TLK1: variants seen among roughly 807,000 people sequenced by gnomAD.
The protein encoded by TLK1 is serine/threonine-protein kinase tousled-like 1.
Under a neutral mutation model 105.3 loss-of-function variants are expected in TLK1, and 24 were observed. The observed-to-expected ratio is 0.23, with a 90% CI of 0.17 to 0.32. The LOEUF (loss-of-function observed/expected upper bound fraction) is 0.32, where lower values mean the gene tolerates loss of function less well. Among genes scored for constraint, TLK1 ranks in the 10% least tolerant of loss-of-function variants. The probability of loss-of-function intolerance (pLI) is 1.00; values close to 1 mark genes in which losing one functional copy is unlikely to be tolerated. For missense variants in TLK1, 558 were observed against 910.5 expected (o/e 0.61, Z 4.98); for synonymous variants, 321 against 310.4 (o/e 1.03, Z -0.36).
At chr2:171,089,235 G>C (rs557304213) in intron 2 of TLK1, among the ~76,000 whole-genome samples, 4 of 152,290 alleles carry the variant, frequency 2.6e-5, no homozygotes, top group African/African-American at 9.6e-5. Flanking sequence ...TTCAGGACAT[G>C]AATCTATGGT....
At chr2:171,136,671 T>C (rs905601887) in intron 1 of TLK1, among the ~76,000 whole-genome samples, 14 of 152,346 alleles carry the variant, frequency 9.2e-5, no homozygotes, top group Admixed American at 7.8e-4. Context: ...AATGTTTGCA[T>C]ATGTACAGAG....
At chr2:171,182,935 A>G (rs200000333) in intron 1 of TLK1, among the ~76,000 whole-genome samples, 22 of 128,826 alleles carry the variant, frequency 1.7e-4, no homozygotes, top group Middle Eastern at 3.7e-3. Context: ...AAAAAAAAAA[A>G]AAAGAAAGAA....
At chr2:171,004,377 T>C (rs1409246757) in intron 18 of TLK1, among the ~76,000 whole-genome samples, 1 of 150,598 alleles carries the variant, frequency 6.6e-6, no homozygotes, top group Non-Finnish European at 1.5e-5. Context: ...CACATAAAAG[T>C]GGACCCATGC....
At chr2:171,124,955 T>C (rs1228613967) in intron 1 of TLK1, among the ~76,000 whole-genome samples, 3 of 152,204 alleles carry the variant, frequency 2.0e-5, no homozygotes, top group Non-Finnish European at 4.4e-5. Flanking sequence ...CTCCAAATCA[T>C]TTGCCTTGTT....
chr2:171,175,744 T>C (rs985358383), intron 1 of TLK1, among the ~76,000 whole-genome samples: 5 of 152,160 alleles, frequency 3.3e-5, no homozygotes, highest in African/African-American at 1.2e-4. Flanking sequence ...CCTCTGTCTT[T>C]ATTTGACCTC....
intron 1 of TLK1, among the ~76,000 whole-genome samples, chr2:171,220,923 C>A (rs1186740231): frequency 6.6e-6 from 1 of 152,024 alleles, no homozygotes; most frequent in Non-Finnish European, 1.5e-5. Context: ...GCCAGGCTCA[C>A]GTCTGTAATC....
In TLK1 at chr2:171,120,488, T is replaced by C. The variant is rs144651785; in HGVS notation, c.140-2631A>G. Among the ~76,000 whole-genome samples the C allele has an allele frequency of 5.1e-3, 772 of 152,018 alleles. 6 individuals carry two copies. The highest frequency in any genetic ancestry group is 0.017 in the African/African-American group (718 of 41,464). On this transcript the variant is annotated intron_variant, in intron 1 of 20. Transcript: ENST00000431350. The stretch of plus-strand genomic sequence containing the variant: ...TTAAAAAATGGGCAAAAGACTGGAA[T>C]ACAAATTTTTCCAAAGAAGATATGC...
chr2:171,160,508 CG>C lies in TLK1; in HGVS notation c.-81del. On this transcript the variant is annotated 5_prime_UTR_variant, in exon 1 of 21. Coordinates refer to ENST00000431350, the MANE Select transcript of TLK1 (RefSeq NM_012290.5). This position sits in a 1 kb window ranked among gnomAD's most constrained non-coding sequence, Gnocchi z 4.4. ...GCACCGGCACCCGCCTCCGTCATGGCGGGGGCCGCGCTGAGGGCGAGCGAGA... is the reference window on the plus strand; with the variant it reads ...GCACCGGCACCCGCCTCCGTCATGGCGGGGCCGCGCTGAGGGCGAGCGAGA... The C allele has an allele frequency of 3.4e-6, 5 of 1,452,504 alleles. No homozygotes were observed. The African/African-American group carries it at 4.6e-5, about 13-fold the overall frequency. The allele number at this position is 1,452,504 out of a possible 1,614,324, so 90.0% of individuals were successfully genotyped here.
intron 3 of TLK1, among the ~76,000 whole-genome samples, chr2:171,078,330 G>A (rs1688604968): frequency 6.6e-6 from 1 of 152,166 alleles, no homozygotes; most frequent in African/African-American, 2.4e-5. Flanking sequence ...ATGAGGTCAG[G>A]AGTTTGAGAC....
intron 1 of TLK1, among the ~76,000 whole-genome samples, chr2:171,201,858 C>T (rs1693403332): frequency 6.6e-6 from 1 of 152,160 alleles, no homozygotes. Context: ...CTAGACACCA[C>T]TATGACTATG....
intron 1 of TLK1, among the ~76,000 whole-genome samples, chr2:171,126,398 G>C (rs1324783318): frequency 1.2e-4 from 18 of 152,214 alleles, no homozygotes; most frequent in Admixed American, 9.2e-4. Context: ...GATTACTGTA[G>C]AAGTATGGGC....
At chr2:171,224,673 A>G (rs1402465941) in intron 1 of TLK1, among the ~76,000 whole-genome samples, 1 of 152,162 alleles carries the variant, frequency 6.6e-6, no homozygotes, top group Non-Finnish European at 1.5e-5. Context: ...AATCCCAGCT[A>G]CTTTTTTAAT....
intron 1 of TLK1, among the ~76,000 whole-genome samples, chr2:171,136,514 C>T (rs746907128): frequency 2.6e-5 from 4 of 152,154 alleles, no homozygotes; most frequent in Non-Finnish European, 4.4e-5. Context: ...TGCACCACTG[C>T]ACTCCAGCCT....
At chr2:171,176,186 C>T (rs1000998607) in intron 1 of TLK1, among the ~76,000 whole-genome samples, 2 of 152,026 alleles carry the variant, frequency 1.3e-5, no homozygotes, top group Non-Finnish European at 2.9e-5. Flanking sequence ...GTGATCCGGC[C>T]GCCTCAGCCT....
chr2:171,126,267 A>G (rs1690864049), intron 1 of TLK1, among the ~76,000 whole-genome samples: 1 of 152,120 alleles, frequency 6.6e-6, no homozygotes, highest in South Asian at 2.1e-4. Context: ...GATGAAGAAA[A>G]ATTTTAGGGA....
chr2:171,082,525 C>A (rs1688799589), intron 3 of TLK1, among the ~76,000 whole-genome samples: 1 of 152,174 alleles, frequency 6.6e-6, no homozygotes, highest in Non-Finnish European at 1.5e-5. Flanking sequence ...TAATAACTGT[C>A]TCCAGTAAGA....
chr2:171,087,147 T>C (rs1689015911), intron 2 of TLK1, among the ~76,000 whole-genome samples: 1 of 152,068 alleles, frequency 6.6e-6, no homozygotes, highest in Non-Finnish European at 1.5e-5. Context: ...TGTAATCATA[T>C]GAAGAAACAA....
chr2:171,202,196 C>T (rs1693417328), intron 1 of TLK1, among the ~76,000 whole-genome samples: 2 of 152,230 alleles, frequency 1.3e-5, no homozygotes, highest in Non-Finnish European at 2.9e-5. Flanking sequence ...TGGCTCACGC[C>T]TGTAATCCCA....
At chr2:171,133,532 G>C (rs947932608) in intron 1 of TLK1, among the ~76,000 whole-genome samples, 2 of 152,200 alleles carry the variant, frequency 1.3e-5, no homozygotes, top group African/African-American at 2.4e-5. Flanking sequence ...CCAGGAGGCA[G>C]AGGTTGCAGT....
Sources: gnomAD v4.1 joint callset for allele counts (sites outside exome capture counted in the v4.1 genomes callset) on GRCh38, gnomAD v4.1.1 for gene constraint, Gnocchi (gnomAD v3.1) non-coding constraint, MANE v1.5 for transcripts, NCBI Gene and HGNC (gene_info 2026-07-23, HGNC 2026-07-21) for gene names.